Variants in THOC1 observed in about 807,000 individuals in gnomAD.
THOC1 encodes the protein THO complex 1.
THOC1 carries 29 observed loss-of-function variants against 97.3 expected under a neutral mutation model. The ratio of observed to expected loss-of-function variants is 0.30; its 90% CI spans 0.22 to 0.41. THOC1 has a LOEUF of 0.41. Among genes scored for constraint, THOC1 ranks in the 10% least tolerant of loss-of-function variants. The pLI, the probability that THOC1 is intolerant of heterozygous loss-of-function variation, is 1.00. For synonymous variants in THOC1, 255 were observed against 257.0 expected (o/e 0.99, Z 0.07); for missense variants, 529 against 761.9 (o/e 0.69, Z 3.60).
chr18:217,143 G>C (rs529660147), intron 18 of THOC1, among the ~76,000 whole-genome samples: 6 of 152,338 alleles, frequency 3.9e-5, no homozygotes, highest in African/African-American at 1.4e-4. Flanking sequence ...TTCCATTTAA[G>C]AGTTTTGGAT....
chr18:237,046 T>C (rs543371849), intron 11 of THOC1, among the ~76,000 whole-genome samples: 2 of 152,096 alleles, frequency 1.3e-5, no homozygotes, highest in Non-Finnish European at 2.9e-5. Context: ...CTCAAAAAAG[T>C]ATTAAGTCTC....
At chr18:248,044 C>T (rs1024193182) in intron 9 of THOC1, 87 bp from the exon 10 acceptor site, 144 of 854,424 alleles carry the variant, frequency 1.7e-4, no homozygotes, top group Non-Finnish European at 2.4e-4. Flanking sequence ...GGTCACAAAC[C>T]GTTTTCAGAA....
chr18:221,798 C>T (rs1341170620), intron 17 of THOC1, among the ~76,000 whole-genome samples: 11 of 152,028 alleles, frequency 7.2e-5, no homozygotes, highest in South Asian at 2.1e-4. Flanking sequence ...TTAGTAGAGA[C>T]GGGGTTTCAC....
At chr18:249,519 A>G (rs1402960322) in intron 9 of THOC1, among the ~76,000 whole-genome samples, 12 of 152,008 alleles carry the variant, frequency 7.9e-5, no homozygotes, top group Admixed American at 7.2e-4. Flanking sequence ...AAAATTACCC[A>G]GGCATTGTGG....
At chr18:218,802 A>T in intron 18 of THOC1, 84 bp downstream of exon 18, 1 of 1,141,582 alleles carries the variant, frequency 8.8e-7, no homozygotes, top group Non-Finnish European at 1.3e-6. Flanking sequence ...TGCCTCTCTT[A>T]AGAGGCTTTC....
chr18:237,642 T>C (rs1911754135), intron 11 of THOC1, among the ~76,000 whole-genome samples: 1 of 152,208 alleles, frequency 6.6e-6, no homozygotes, highest in East Asian at 1.9e-4. Context: ...TTAGTATGTT[T>C]ACAAATATTT....
chr18:227,324 A>T (rs542156872), intron 11 of THOC1, among the ~76,000 whole-genome samples: 28 of 151,870 alleles, frequency 1.8e-4, no homozygotes, highest in Non-Finnish European at 2.6e-4. Flanking sequence ...TAAAAAAAAA[A>T]TTTTTTTTTA....
chr18:214,662 T>C lies in THOC1; in HGVS notation c.1938A>G (p.Ala646=). ...ALNKSGLSDL[A]ESLTNDNETN... is the part of the protein sequence containing the mutation. The stretch of plus-strand genomic sequence containing the variant: ...TCTCATTGTCATTAGTTAGACTTTC[T>C]GCAAGGTCACTTAATCCAGACTTAT... Residue 646 remains alanine (A), a synonymous_variant, in exon 21 of 21, where the codon GCA becomes GCG. Coordinates refer to ENST00000261600, the MANE Select transcript of THOC1 (RefSeq NM_005131.3). 6.2e-7 allele frequency: 1 copy of C among 1,613,836 alleles called. No homozygotes were observed.
chr18:249,194 T>G (rs1020920473), intron 9 of THOC1, among the ~76,000 whole-genome samples: 2 of 152,230 alleles, frequency 1.3e-5, no homozygotes, highest in Admixed American at 6.5e-5. Context: ...GAATTAGTAG[T>G]ATCTGAAAGA....
chr18:221,357 T>C (rs566856284), intron 17 of THOC1, among the ~76,000 whole-genome samples: 1 of 152,274 alleles, frequency 6.6e-6, no homozygotes, highest in South Asian at 2.1e-4. Flanking sequence ...CTCATTCTAA[T>C]TTTGTCAAAT....
intron 4 of THOC1, 66 bp downstream of exon 4, chr18:263,960 A>G: frequency 8.2e-7 from 1 of 1,222,672 alleles, no homozygotes; most frequent in South Asian, 1.3e-5. Context: ...TGGGGAGAAG[A>G]CGTTTTAAAT....
chr18:259,070 G>A (rs1217452369), intron 7 of THOC1, 110 bp downstream of exon 7: 1 of 758,892 alleles, frequency 1.3e-6, no homozygotes, highest in African/African-American at 1.8e-5. Context: ...TTTCTATGAT[G>A]TCTTTCAACT....
intron 9 of THOC1, among the ~76,000 whole-genome samples, chr18:250,603 G>C (rs1219489440): frequency 6.6e-6 from 1 of 152,166 alleles, no homozygotes; most frequent in Non-Finnish European, 1.5e-5. Flanking sequence ...GTGTATTTGA[G>C]CCAAATCTGA....
intron 11 of THOC1, among the ~76,000 whole-genome samples, chr18:241,538 G>GT (rs915778037): frequency 6.6e-6 from 1 of 152,154 alleles, no homozygotes; most frequent in African/African-American, 2.4e-5. Flanking sequence ...CCTCACCCTG[G>GT]TAACTGCTAG....
Position 238,715 on chromosome 18 carries a change from T to C in THOC1, c.918+7609A>G, listed in dbSNP as rs16975691. Among the ~76,000 whole-genome samples, 542 of 152,344 alleles carry C rather than the reference T, an allele frequency of 3.6e-3. 1 individual carries two copies. Among genetic ancestry groups the C allele is most frequent in the African/African-American group, 0.012 (505 of 41,590 alleles). Reference sequence around the variant, plus strand: ...GTCCACTGTTGACCAGTTATGTGGTTGTTATGTGGTGCCATTATGGGGTGC... The same window carrying C: ...GTCCACTGTTGACCAGTTATGTGGTCGTTATGTGGTGCCATTATGGGGTGC... On this transcript the variant is annotated intron_variant, in intron 11 of 20. Coordinates refer to ENST00000261600, the MANE Select transcript of THOC1 (RefSeq NM_005131.3).
intron 17 of THOC1, among the ~76,000 whole-genome samples, chr18:220,114 C>T (rs890749291): frequency 6.6e-6 from 1 of 152,048 alleles, no homozygotes; most frequent in African/African-American, 2.4e-5. Context: ...ATGAACATGC[C>T]CCAAGTTATC....
At chr18:262,136 T>C (rs895399351) in intron 4 of THOC1, among the ~76,000 whole-genome samples, 6 of 152,374 alleles carry the variant, frequency 3.9e-5, no homozygotes, top group South Asian at 2.1e-4. Context: ...TTTCTAAGCA[T>C]AGAGTGAATG....
Position 246,366 on chromosome 18 carries a change from T to A in THOC1, c.876A>T (p.Gly292=). 6.2e-7 allele frequency: 1 copy of A among 1,601,948 alleles called. No homozygotes were observed. Among genetic ancestry groups the A allele is most frequent in the Non-Finnish European group, 8.5e-7 (1 of 1,170,570 alleles). ...ATTTTGCAAAATATACATGTTCTCC[T>A]CCTGTTTTCAATTCTTCCATCTTTT... The part of the protein sequence containing the change: ...SRKKMEELKT[G]GEHVYFAKFL... The change falls in exon 11 of 21, where the codon GGA becomes GGT. Residue 292 remains glycine, a synonymous_variant. Coordinates refer to ENST00000261600, the MANE Select transcript of THOC1 (RefSeq NM_005131.3).
At chr18:223,341 T>G in intron 17 of THOC1, 99 bp downstream of exon 17, 1 of 973,554 alleles carries the variant, frequency 1.0e-6, no homozygotes, top group East Asian at 3.0e-5. Flanking sequence ...ACAATAAACT[T>G]TTAAATTTCA....
Sources: gnomAD v4.1 joint callset for allele counts (sites outside exome capture counted in the v4.1 genomes callset) on GRCh38, gnomAD v4.1.1 for gene constraint, MANE v1.5 for transcripts, NCBI Gene and HGNC (gene_info 2026-07-23, HGNC 2026-07-21) for gene names.